C5: variants seen among roughly 807,000 people sequenced by gnomAD.
C5 encodes the protein complement C5.
In C5, 140 loss-of-function variants were observed where a neutral mutation model predicts 218.8. That is an observed-to-expected ratio of 0.64 (90% CI 0.56 to 0.74). C5 has a LOEUF of 0.74. C5 is among the 30% of genes least tolerant of loss of function. The pLI is 0.00. For missense variants in C5, 1,700 were observed against 1,969.6 expected (o/e 0.86, Z 2.59); for synonymous variants, 614 against 682.3 (o/e 0.90, Z 1.56).
chr9:120,993,475 T>C (rs575579209), intron 22 of C5, among the ~76,000 whole-genome samples: 1 of 152,270 alleles, frequency 6.6e-6, no homozygotes, highest in African/African-American at 2.4e-5. Flanking sequence ...CAGGCTGGAG[T>C]GCAGTGGCGT....
chr9:121,007,392 A>T (rs571136651), intron 18 of C5, among the ~76,000 whole-genome samples: 2 of 152,354 alleles, frequency 1.3e-5, no homozygotes, highest in South Asian at 4.1e-4. Context: ...GCTATTGTCT[A>T]CCAACTTTGT....
chr9:120,985,095 G>T (rs536378543), intron 25 of C5, among the ~76,000 whole-genome samples: 1 of 152,264 alleles, frequency 6.6e-6, no homozygotes, highest in South Asian at 2.1e-4. Context: ...TCCTTAAGGA[G>T]TGAGAGTCTA....
chr9:121,059,514 T>G, the C5 span, among the ~76,000 whole-genome samples: 6 of 152,158 alleles, frequency 3.9e-5, no homozygotes, highest in Non-Finnish European at 8.8e-5. This position sits in a 1 kb window ranked among gnomAD's most constrained non-coding sequence, Gnocchi z 4.1. Context: ...TCAGCATAAG[T>G]TCCTTCATCT....
At chr9:120,974,977 G>A (rs1415532491) in intron 29 of C5, 46 bp from the exon 30 acceptor site, 3 of 1,605,238 alleles carry the variant, frequency 1.9e-6, no homozygotes, top group Admixed American at 1.7e-5. Context: ...GTTTATTTAT[G>A]TACTCCCTAT....
chr9:120,997,681 G>A lies in C5; in HGVS notation c.2656C>T (p.Gln886Ter). The change falls in exon 21 of 41, where the codon CAG (glutamine) becomes TAG (stop). Residue 886 changes from glutamine to a stop codon, truncating the protein, a stop_gained. Transcript: ENST00000223642. LOFTEE classifies it high-confidence loss of function. ...QGTKSSKCVRQKVEGSSSHLV... is the reference protein window; with the variant it reads ...QGTKSSKCVR ...TGACTGGAGGAGCCCTCTACTTTCT[G>A]GCGCACACATTTGGAGGACTTTGTG... is the stretch of plus-strand genomic sequence containing the variant. The A allele has an allele frequency of 6.2e-7, 1 of 1,614,126 alleles. No homozygotes were observed. Among genetic ancestry groups the A allele is most frequent in the Non-Finnish European group, 8.5e-7 (1 of 1,180,006 alleles).
At chr9:121,007,983 C>A (rs1408265989) in intron 18 of C5, among the ~76,000 whole-genome samples, 2 of 152,146 alleles carry the variant, frequency 1.3e-5, no homozygotes, top group Non-Finnish European at 2.9e-5. Context: ...CTCAGCCCAT[C>A]ACTGTTTTCA....
rs542760696 is a variant in C5, at chr9:120,997,720, T to C, written c.2617A>G (p.Ile873Val). Residue 873 changes from isoleucine to valine, a missense_variant, in exon 21 of 41, where the codon ATT (isoleucine) becomes GTT (valine). Physicochemically the swap from Ile to Val is conservative, Grantham distance 29. Coordinates refer to ENST00000223642, the MANE Select transcript of C5 (RefSeq NM_001735.3). ...GAGGACTTTGTGCCCTGATGATCAATGACTGGGCTTTCCGAAGTGCAGATT... is the reference window on the plus strand; with the variant it reads ...GAGGACTTTGTGCCCTGATGATCAACGACTGGGCTTTCCGAAGTGCAGATT... The part of the protein sequence containing the change: ...EGICTSESPV[I>V]DHQGTKSSKC... 4 of 1,614,178 alleles carry C rather than the reference T, an allele frequency of 2.5e-6. No individual in the cohort carries two copies. In the Admixed American group the frequency reaches 6.7e-5, roughly 27 times the overall value.
In C5 at chr9:121,030,518, C is replaced by T. The variant is rs1219394297; in HGVS notation, c.668-31G>A. On this transcript the variant is annotated intron_variant, in intron 6 of 40. Coordinates refer to ENST00000223642, the MANE Select transcript of C5 (RefSeq NM_001735.3). Reference sequence around the variant, plus strand: ...AATAAAAACAAACAGGTAATATTACCATTTTGATTAGAGCAGACTTTAAAG... The same window carrying T: ...AATAAAAACAAACAGGTAATATTACTATTTTGATTAGAGCAGACTTTAAAG... 5 of 1,319,060 alleles carry T rather than the reference C, an allele frequency of 3.8e-6. 1 individual carries two copies. The South Asian group carries it at 6.5e-5, about 17-fold the overall frequency. The allele number at this position is 1,319,060 out of a possible 1,614,324, so 81.7% of individuals were successfully genotyped here. A position where few individuals can be genotyped will look rare whatever the true frequency, so the allele number is the denominator to read the frequency against.
At chr9:121,011,476 C>A (rs1432658863) in intron 17 of C5, among the ~76,000 whole-genome samples, 1 of 152,092 alleles carries the variant, frequency 6.6e-6, no homozygotes, top group African/African-American at 2.4e-5. Flanking sequence ...CAGGCAATAA[C>A]AAATGCTGGA....
chr9:120,977,659 A>G (rs887108821), intron 28 of C5, among the ~76,000 whole-genome samples: 2 of 152,168 alleles, frequency 1.3e-5, no homozygotes, highest in African/African-American at 4.8e-5. Context: ...GGCTCAAGCA[A>G]TCCTCCTACC....
At chr9:120,962,230 A>G (rs2109897) in intron 36 of C5, among the ~76,000 whole-genome samples, 30,306 of 152,206 alleles carry the variant, frequency 0.2, 5,314 homozygotes, top group African/African-American at 0.47. Context: ...GGGTTGATGA[A>G]AAAGACATAC....
the C5 span, among the ~76,000 whole-genome samples, chr9:121,067,229 T>C: frequency 1.2e-3 from 189 of 151,740 alleles, 2 homozygotes; most frequent in Non-Finnish European, 2.0e-3. Flanking sequence ...AATTGCACCA[T>C]TGCACTTCAG....
chr9:120,985,544 G>T (rs1416534557), intron 25 of C5, among the ~76,000 whole-genome samples: 2 of 151,596 alleles, frequency 1.3e-5, no homozygotes, highest in Non-Finnish European at 2.9e-5. Flanking sequence ...TTTGGAAATG[G>T]TTGTCCATCA....
At chr9:121,069,909 C>A in the C5 span, among the ~76,000 whole-genome samples, 5 of 152,146 alleles carry the variant, frequency 3.3e-5, no homozygotes, top group African/African-American at 1.2e-4. Flanking sequence ...ACAAATAGAA[C>A]TACCATATGA....
At chr9:121,074,660 G>A in the C5 span, 3 of 375,664 alleles carry the variant, frequency 8.0e-6, no homozygotes, top group Non-Finnish European at 1.6e-5. Context: ...TCAGAGGGTG[G>A]CGGCGGCAGC....
chr9:121,069,080 C>T, the C5 span, among the ~76,000 whole-genome samples: 1 of 152,076 alleles, frequency 6.6e-6, no homozygotes, highest in Non-Finnish European at 1.5e-5. Context: ...GTTCCGGACA[C>T]TGGTCTAGGA....
chr9:120,967,919 G>A (rs1284640460), intron 33 of C5, among the ~76,000 whole-genome samples: 3 of 151,898 alleles, frequency 2.0e-5, no homozygotes, highest in Non-Finnish European at 4.4e-5. Context: ...GATGGGGTCT[G>A]GCTATGGTGC....
intron 23 of C5, 88 bp from the exon 24 acceptor site, chr9:120,989,868 A>G: frequency 1.9e-6 from 2 of 1,067,848 alleles, no homozygotes; most frequent in Non-Finnish European, 2.8e-6. Context: ...CCATCTAGAG[A>G]TGGTTCTTCC....
chr9:120,994,858 G>A (rs1329650976), intron 22 of C5, among the ~76,000 whole-genome samples: 1 of 151,134 alleles, frequency 6.6e-6, no homozygotes, highest in Non-Finnish European at 1.5e-5. Flanking sequence ...CACCTAGGAT[G>A]AGTAAGGCAA....
Sources: allele counts gnomAD v4.1 joint callset (sites outside exome capture counted in the v4.1 genomes callset), GRCh38; gene constraint gnomAD v4.1.1; non-coding constraint Gnocchi (gnomAD v3.1); transcripts MANE v1.5; gene names NCBI Gene and HGNC (gene_info 2026-07-23, HGNC 2026-07-21).